The following FADS2 variants were observed in gnomAD, a reference collection of about 807,000 sequenced individuals.
The protein encoded by FADS2 is acyl-CoA 6-desaturase.
FADS2 carries 18 observed loss-of-function variants against 61.2 expected under a neutral mutation model. The ratio of observed to expected loss-of-function variants is 0.29; its 90% CI spans 0.20 to 0.44. The LOEUF is 0.44. Among genes scored for constraint, FADS2 ranks in the 20% least tolerant of loss-of-function variants. The pLI is 1.00. For synonymous variants in FADS2, 203 were observed against 223.9 expected (o/e 0.91, Z 0.83); for missense variants, 322 against 572.7 (o/e 0.56, Z 4.47).
At chr11:61,861,663 C>G (rs143200253) in intron 7 of FADS2, among the ~76,000 whole-genome samples, 2,099 of 152,338 alleles carry the variant, frequency 0.014, 53 homozygotes, top group African/African-American at 0.047. Context: ...AGGTCCTGCC[C>G]TCGGCCAATG....
chr11:61,817,103 G>C, intron 1 of FADS2: 1 of 686,496 alleles, frequency 1.5e-6, no homozygotes. Flanking sequence ...GGGGCGCCGC[G>C]GTAGGAACAG....
Position 61,857,070 on chromosome 11 carries a change from G to A in FADS2, c.804G>A (p.Leu268=). Residue 268 remains leucine (L), a splice_region_variant and synonymous_variant, in exon 6 of 12, where the codon CTG becomes CTA. Coordinates refer to ENST00000278840, the MANE Select transcript of FADS2 (RefSeq NM_004265.4). Reference sequence around the variant, plus strand: ...ATCACCAGCACGAATACTTCTTCCTGAGTGAGTGCTCGGCGCCCCGAAATC... The same window carrying A: ...ATCACCAGCACGAATACTTCTTCCTAAGTGAGTGCTCGGCGCCCCGAAATC... The part of the protein sequence containing the change: ...PYNHQHEYFF[L]IGPPLLIPMY... 6.2e-7 allele frequency: 1 copy of A among 1,613,792 alleles called. No homozygotes were observed. The highest frequency in any genetic ancestry group is 8.5e-7 in the Non-Finnish European group (1 of 1,179,788).
At chr11:61,843,167 C>T (rs1382894970) in intron 4 of FADS2, among the ~76,000 whole-genome samples, 2 of 152,214 alleles carry the variant, frequency 1.3e-5, no homozygotes, top group Admixed American at 6.5e-5. Flanking sequence ...CAGTGGCTCA[C>T]GCCTATAACC....
upstream of FADS2, chr11:61,826,326 C>G (rs2067085443): frequency 1.4e-6 from 1 of 702,470 alleles, no homozygotes; most frequent in Non-Finnish European, 2.6e-6. Context: ...CTGGGGACCC[C>G]AGGCCCTGGC....
At position 61,839,888 on chromosome 11, in the gene FADS2, T is replaced by C. The variant is rs1289156524; in HGVS notation, c.319-446T>C. ...CCTTTGGTGACTGGCCTGTTTCCCTTAGCATGATGTCTTCAAAGTTCACTC... is the reference window on the plus strand; with the variant it reads ...CCTTTGGTGACTGGCCTGTTTCCCTCAGCATGATGTCTTCAAAGTTCACTC... On this transcript the variant is annotated intron_variant, in intron 2 of 11. Transcript: ENST00000278840. Among the ~76,000 whole-genome samples the C allele has an allele frequency of 9.2e-5, 14 of 152,344 alleles. No individual in the cohort carries two copies. The East Asian group carries it at 2.7e-3, about 29-fold the overall frequency.
upstream of FADS2, chr11:61,825,955 G>A: frequency 3.1e-6 from 2 of 646,964 alleles, no homozygotes; most frequent in East Asian, 5.5e-5. Context: ...GCCCCCTAAA[G>A]TTCTCTCTTA....
At chr11:61,818,105 C>G (rs1458263639) in intron 1 of FADS2, among the ~76,000 whole-genome samples, 1 of 152,186 alleles carries the variant, frequency 6.6e-6, no homozygotes, top group Non-Finnish European at 1.5e-5. Context: ...ATAACTGTCC[C>G]AAGCACTGAG....
chr11:61,820,092 C>A (rs1467143898), intron 1 of FADS2, among the ~76,000 whole-genome samples: 1 of 151,826 alleles, frequency 6.6e-6, no homozygotes, highest in Non-Finnish European at 1.5e-5. Flanking sequence ...GTAATCCCAG[C>A]TACTTGGGAG....
chr11:61,831,320 G>C (rs1266148507), intron 1 of FADS2, among the ~76,000 whole-genome samples: 4 of 152,240 alleles, frequency 2.6e-5, no homozygotes, highest in Admixed American at 6.5e-5. Context: ...CACAGTCTGG[G>C]GAGGGACTGA....
At chr11:61,857,561 G>A (rs2067372497) in intron 7 of FADS2, 31 bp downstream of exon 7, 2 of 1,588,622 alleles carry the variant, frequency 1.3e-6, no homozygotes, top group Admixed American at 1.7e-5. Flanking sequence ...GCTTGGCATG[G>A]GGAGGAGGGT....
At chr11:61,844,293 G>T (rs768971002) in intron 4 of FADS2, among the ~76,000 whole-genome samples, 30 of 152,128 alleles carry the variant, frequency 2.0e-4, no homozygotes, top group Non-Finnish European at 3.5e-4. Flanking sequence ...TGGCTTGGCC[G>T]GGTGTGGTGG....
chr11:61,817,175 A>T, intron 1 of FADS2: 4 of 161,360 alleles, frequency 2.5e-5, no homozygotes, highest in Non-Finnish European at 4.6e-5. Context: ...CTGAGGGGCC[A>T]GGGCTGCGGG....
upstream of FADS2, among the ~76,000 whole-genome samples, chr11:61,824,429 AGAGAGG>A (rs1565325153): frequency 4.0e-4 from 3 of 7,534 alleles, no homozygotes; most frequent in African/African-American, 8.1e-4. Flanking sequence ...AGAGAGAGAG[AGAGAGG>A]GAGGGAGGGA....
intron 5 of FADS2, among the ~76,000 whole-genome samples, chr11:61,850,239 CTTTCT>C (rs548024956): frequency 3.0e-3 from 459 of 151,904 alleles, no homozygotes; most frequent in African/African-American, 2.8e-3. Context: ...TTCATAATTT[CTTTCT>C]TTTCTTTTCT....
At chr11:61,824,581 TC>T (rs1391799310), upstream of FADS2, among the ~76,000 whole-genome samples, 1 of 151,660 alleles carries the variant, frequency 6.6e-6, no homozygotes, top group African/African-American at 2.4e-5. Context: ...GAGACAGAGG[TC>T]TAACATCACA....
intron 1 of FADS2, among the ~76,000 whole-genome samples, chr11:61,822,367 C>T (rs953614303): frequency 1.3e-5 from 2 of 152,212 alleles, no homozygotes; most frequent in African/African-American, 4.8e-5. Flanking sequence ...GAGCTGAAGC[C>T]ACACATGAAA....
chr11:61,834,039 C>A (rs2135956836), intron 1 of FADS2, among the ~76,000 whole-genome samples: 1 of 152,332 alleles, frequency 6.6e-6, no homozygotes, highest in South Asian at 2.1e-4. Context: ...ACCTTGATGA[C>A]TGCTATGAAG....
rs200220738 is a variant in FADS2 at position 61,837,811 on chromosome 11, T to G, written c.241T>G (p.Phe81Val). 4 of 1,613,638 alleles carry G rather than the reference T, an allele frequency of 2.5e-6. No homozygotes were observed. The highest frequency in any genetic ancestry group is 2.5e-6 in the Non-Finnish European group (3 of 1,179,814). ...AFRAFHPDLE[F>V]VGKFLKPLLI... ...CCGCGCCTTCCACCCTGACCTGGAATTCGTGGGCAAGTTCTTGAAACCCCT... is the reference window on the plus strand; with the variant it reads ...CCGCGCCTTCCACCCTGACCTGGAAGTCGTGGGCAAGTTCTTGAAACCCCT... Residue 81 changes from phenylalanine (F) to valine (V), a missense_variant, in exon 2 of 12, where the codon TTC becomes GTC. By Grantham distance (50) the Phe-to-Val change is conservative. Coordinates refer to ENST00000278840, the MANE Select transcript of FADS2 (RefSeq NM_004265.4).
intron 3 of FADS2, 22 bp downstream of exon 3, chr11:61,840,553 TC>T: frequency 6.2e-7 from 1 of 1,613,980 alleles, no homozygotes; most frequent in South Asian, 1.1e-5. Flanking sequence ...CACCCTCACT[TC>T]CCCTAGCTGA....
Sources: allele counts gnomAD v4.1 joint callset (sites outside exome capture counted in the v4.1 genomes callset), GRCh38; gene constraint gnomAD v4.1.1; transcripts MANE v1.5; gene names NCBI Gene and HGNC (gene_info 2026-07-23, HGNC 2026-07-21).